STAG1: variants seen among roughly 807,000 people sequenced by gnomAD.
STAG1 encodes the protein cohesin subunit SA-1.
Under a neutral mutation model 170.9 loss-of-function variants are expected in STAG1, and 26 were observed. That is an observed-to-expected ratio of 0.15 (90% CI 0.11 to 0.21). The LOEUF (loss-of-function observed/expected upper bound fraction) is 0.21. STAG1 is among the 10% of genes least tolerant of loss of function. STAG1 has a pLI of 1.00. For missense variants in STAG1, 964 were observed against 1,509.5 expected, an observed-to-expected ratio of 0.64 and a Z score of 5.99; for synonymous variants, 514 against 497.7, an observed-to-expected ratio of 1.03 and a Z score of -0.44.
intron 1 of STAG1, among the ~76,000 whole-genome samples, chr3:136,726,215 T>A (rs1933678886): frequency 6.6e-6 from 1 of 152,218 alleles, no homozygotes; most frequent in Admixed American, 6.5e-5. Context: ...GCAGCATCCC[T>A]GATCTCTATC....
chr3:136,722,254 C>A (rs1392230738), intron 1 of STAG1, among the ~76,000 whole-genome samples: 1 of 152,106 alleles, frequency 6.6e-6, no homozygotes, highest in Non-Finnish European at 1.5e-5. Flanking sequence ...AAAATTACCT[C>A]ATAGTAGCCT....
At chr3:136,743,316 T>C (rs1383566591) in intron 1 of STAG1, among the ~76,000 whole-genome samples, 1 of 150,130 alleles carries the variant, frequency 6.7e-6, no homozygotes, top group African/African-American at 2.5e-5. Flanking sequence ...TACAGTGAGC[T>C]AAGATTGCAC....
chr3:136,607,992 C>A (rs1345865368), intron 3 of STAG1, among the ~76,000 whole-genome samples: 1 of 152,130 alleles, frequency 6.6e-6, no homozygotes, highest in Non-Finnish European at 1.5e-5. Flanking sequence ...CACAATGGCT[C>A]ACGCCTGTAA....
intron 6 of STAG1, among the ~76,000 whole-genome samples, chr3:136,529,639 A>G (rs1203507503): frequency 1.3e-5 from 2 of 152,194 alleles, no homozygotes; most frequent in Non-Finnish European, 2.9e-5. Flanking sequence ...TCTACACAAA[A>G]AAATGCTCAA....
intron 1 of STAG1, among the ~76,000 whole-genome samples, chr3:136,733,529 G>C (rs1019273606): frequency 4.6e-5 from 7 of 152,112 alleles, no homozygotes; most frequent in Non-Finnish European, 1.5e-5. Context: ...ACTTAGAAAG[G>C]TTAAAGAAGT....
intron 7 of STAG1, among the ~76,000 whole-genome samples, chr3:136,519,184 A>C (rs767421434): frequency 6.6e-6 from 1 of 152,092 alleles, no homozygotes; most frequent in Admixed American, 6.6e-5. Context: ...AAGAGTCAAA[A>C]TATTCTGCGT....
rs537834960 is a variant in STAG1 at position 136,564,378 on chromosome 3, C to T, written c.394+4387G>A. On this transcript the variant is annotated intron_variant, in intron 5 of 33. Coordinates refer to ENST00000383202, the MANE Select transcript of STAG1 (RefSeq NM_005862.3). ...CAATGTAACAGTGTCTGCTTTCCCCCGCCACAGCCTGAACAACAGAATGTT... is the reference window on the plus strand; with the variant it reads ...CAATGTAACAGTGTCTGCTTTCCCCTGCCACAGCCTGAACAACAGAATGTT... 6.2e-4 allele frequency among the ~76,000 whole-genome samples: 94 copies of T among 152,254 alleles called. 1 individual carries two copies. In the South Asian group the frequency reaches 0.019, roughly 31 times the overall value.
intron 9 of STAG1, among the ~76,000 whole-genome samples, chr3:136,489,745 G>T (rs569149664): frequency 3.3e-5 from 5 of 152,266 alleles, no homozygotes; most frequent in Admixed American, 2.0e-4. Context: ...TTACAGAAAA[G>T]TCATACTGTA....
chr3:136,745,329 CGGG>C (rs1158293310), intron 1 of STAG1, among the ~76,000 whole-genome samples: 2 of 151,984 alleles, frequency 1.3e-5, no homozygotes, highest in Non-Finnish European at 2.9e-5. Flanking sequence ...AAAAAACAAA[CGGG>C]GGGCAGGGAA....
intron 4 of STAG1, among the ~76,000 whole-genome samples, chr3:136,600,978 C>A (rs905389799): frequency 1.3e-5 from 2 of 152,088 alleles, no homozygotes; most frequent in Non-Finnish European, 2.9e-5. Context: ...GCGACCTCCG[C>A]CTCCTGGGTT....
chr3:136,368,211 G>C (rs962085213), intron 24 of STAG1, among the ~76,000 whole-genome samples: 2 of 152,122 alleles, frequency 1.3e-5, no homozygotes. Flanking sequence ...TGAAAGAACA[G>C]CCGAACAGCA....
intron 1 of STAG1, among the ~76,000 whole-genome samples, chr3:136,699,117 G>A (rs1490572969): frequency 2.0e-5 from 3 of 152,168 alleles, no homozygotes; most frequent in Non-Finnish European, 4.4e-5. Flanking sequence ...ATTGGGCACA[G>A]TGTACACTGC....
At chr3:136,388,197 T>C (rs1215197297) in intron 22 of STAG1, among the ~76,000 whole-genome samples, 2 of 152,132 alleles carry the variant, frequency 1.3e-5, no homozygotes, top group African/African-American at 2.4e-5. Flanking sequence ...CAGCAGTGAG[T>C]ATCATTCTCA....
intron 13 of STAG1, among the ~76,000 whole-genome samples, chr3:136,460,877 AAAC>A (rs1179857888): frequency 6.6e-6 from 1 of 152,150 alleles, no homozygotes; most frequent in Admixed American, 6.6e-5. Flanking sequence ...AACAACAACA[AAAC>A]AACAACAAAA....
At chr3:136,667,380 T>C (rs1381544031) in intron 1 of STAG1, among the ~76,000 whole-genome samples, 1 of 151,736 alleles carries the variant, frequency 6.6e-6, no homozygotes, top group Non-Finnish European at 1.5e-5. Context: ...AAACCCCATC[T>C]CTTAACAAAA....
At chr3:136,525,906 T>C (rs1234212790) in intron 6 of STAG1, among the ~76,000 whole-genome samples, 1 of 152,342 alleles carries the variant, frequency 6.6e-6, no homozygotes, top group African/African-American at 2.4e-5. Flanking sequence ...TTGAGCAGTT[T>C]TGAGTGAGTT....
intron 5 of STAG1, among the ~76,000 whole-genome samples, chr3:136,553,027 C>G (rs1936470072): frequency 6.6e-6 from 1 of 151,796 alleles, no homozygotes; most frequent in African/African-American, 2.4e-5. Context: ...AACAGGCTCA[C>G]AAAGACTTAA....
At chr3:136,700,417 T>C (rs1338639223) in intron 1 of STAG1, among the ~76,000 whole-genome samples, 4 of 149,784 alleles carry the variant, frequency 2.7e-5, no homozygotes, top group Middle Eastern at 3.5e-3. Context: ...AATTACTTCT[T>C]CTTTTTTTTT....
chr3:136,378,084 G>C (rs546902023), intron 22 of STAG1, among the ~76,000 whole-genome samples: 1 of 152,200 alleles, frequency 6.6e-6, no homozygotes, highest in Non-Finnish European at 1.5e-5. Flanking sequence ...AGTAAAGTGA[G>C]GCAGCAGAGC....
Sources: gnomAD v4.1 joint callset for allele counts (sites outside exome capture counted in the v4.1 genomes callset) on GRCh38, gnomAD v4.1.1 for gene constraint, MANE v1.5 for transcripts, NCBI Gene and HGNC (gene_info 2026-07-23, HGNC 2026-07-21) for gene names.